The following DENND5B variants were observed in gnomAD, a reference collection of about 807,000 sequenced individuals.
The protein encoded by DENND5B is DENN domain containing 5B.
A neutral mutation model predicts 140.6 loss-of-function variants in DENND5B; 34 were observed. That is an observed-to-expected ratio of 0.24 (90% CI 0.18 to 0.32). DENND5B has a LOEUF of 0.32. DENND5B is among the 10% of genes least tolerant of loss of function. The probability of loss-of-function intolerance (pLI) is 1.00; values close to 1 mark genes in which losing one functional copy is unlikely to be tolerated. For synonymous variants in DENND5B, 551 were observed against 562.1 expected, an observed-to-expected ratio of 0.98 and a Z score of 0.28; for missense variants, 1,142 against 1,560.2, an observed-to-expected ratio of 0.73 and a Z score of 4.52.
At chr12:31,422,418 A>C (rs1356009034) in intron 11 of DENND5B, among the ~76,000 whole-genome samples, 1 of 151,186 alleles carries the variant, frequency 6.6e-6, no homozygotes, top group Non-Finnish European at 1.5e-5. Flanking sequence ...CGACACAGCG[A>C]GACTGTGTCT....
chr12:31,549,224 T>TATAA (rs1438693683), intron 1 of DENND5B, among the ~76,000 whole-genome samples: 1 of 152,096 alleles, frequency 6.6e-6, no homozygotes, highest in Non-Finnish European at 1.5e-5. Context: ...ATTCTGACTT[T>TATAA]AGTAAGAAAG....
intron 2 of DENND5B, among the ~76,000 whole-genome samples, chr12:31,487,707 C>A (rs1050178279): frequency 2.0e-5 from 3 of 151,894 alleles, no homozygotes; most frequent in Non-Finnish European, 2.9e-5. Flanking sequence ...CTCAAAAAAA[C>A]AAACAAACAA....
intron 1 of DENND5B, among the ~76,000 whole-genome samples, chr12:31,552,508 T>C (rs1172060405): frequency 1.4e-4 from 21 of 152,220 alleles, no homozygotes; most frequent in Middle Eastern, 3.2e-3. Context: ...ATCAAGGATA[T>C]TGGTCTAAAA....
chr12:31,513,421 G>A (rs1037094220), intron 1 of DENND5B, among the ~76,000 whole-genome samples: 1 of 152,082 alleles, frequency 6.6e-6, no homozygotes, highest in Non-Finnish European at 1.5e-5. Context: ...GGTAAAGTAC[G>A]TATCTACCTC....
rs1194677381 is a variant in DENND5B at position 31,386,912 on chromosome 12, T to C, written c.*691A>G. 1 of 152,218 alleles carries C rather than the reference T, an allele frequency of 6.6e-6. No homozygotes were observed. The highest frequency in any genetic ancestry group is 1.5e-5 in the Non-Finnish European group (1 of 68,034). The allele number at this position is 152,218 out of a possible 1,614,324, so 9.4% of individuals were successfully genotyped here. On this transcript the variant is annotated 3_prime_UTR_variant, in exon 21 of 21. Coordinates refer to ENST00000389082, the MANE Select transcript of DENND5B (RefSeq NM_144973.4). ...AGTTATAATCCCACAATTGAACACA[T>C]TTCTCAGAGCTTTGTATGTTCTCTT...
chr12:31,494,669 G>C (rs1257636868), intron 2 of DENND5B, among the ~76,000 whole-genome samples: 1 of 152,102 alleles, frequency 6.6e-6, no homozygotes, highest in Non-Finnish European at 1.5e-5. Context: ...GTGTAACTTT[G>C]TAACTTCACT....
At chr12:31,387,857 C>A in intron 20 of DENND5B, 71 bp from the exon 21 acceptor site, 1 of 1,484,710 alleles carries the variant, frequency 6.7e-7, no homozygotes, top group South Asian at 1.3e-5. Flanking sequence ...ACAGTGGAGT[C>A]TGTATGAATG....
intron 11 of DENND5B, among the ~76,000 whole-genome samples, chr12:31,416,297 C>T (rs998027290): frequency 6.6e-6 from 1 of 151,610 alleles, no homozygotes; most frequent in Admixed American, 6.6e-5. Context: ...TGCTCTGTTG[C>T]TCTGTTGCCA....
At chr12:31,432,067 T>C in intron 8 of DENND5B, 1 of 985,298 alleles carries the variant, frequency 1.0e-6, no homozygotes, top group Non-Finnish European at 1.2e-6. Flanking sequence ...AGAAGGATTT[T>C]TTAGGAAGTC....
At chr12:31,422,395 A>C (rs1401412264) in intron 11 of DENND5B, among the ~76,000 whole-genome samples, 1 of 151,902 alleles carries the variant, frequency 6.6e-6, no homozygotes, top group Non-Finnish European at 1.5e-5. Context: ...GCGCCACTGC[A>C]TTCCAGCCTG....
chr12:31,439,909 A>G, intron 7 of DENND5B, among the ~76,000 whole-genome samples: 1 of 141,160 alleles, frequency 7.1e-6, no homozygotes, highest in Non-Finnish European at 1.5e-5. Context: ...TGGCCTGGGC[A>G]ACAGAGGGAG....
chr12:31,419,884 A>T (rs1458597910), intron 11 of DENND5B: 1 of 360,308 alleles, frequency 2.8e-6, no homozygotes, highest in Non-Finnish European at 3.8e-6. Flanking sequence ...GAGGCAGGAG[A>T]ATCGCTTGAA....
At chr12:31,442,336 C>G (rs1944072993) in intron 7 of DENND5B, among the ~76,000 whole-genome samples, 1 of 152,094 alleles carries the variant, frequency 6.6e-6, no homozygotes. Context: ...CCTGCCAATT[C>G]CTTGATTTCA....
chr12:31,416,492 T>C (rs139089416), intron 11 of DENND5B, among the ~76,000 whole-genome samples: 17 of 151,338 alleles, frequency 1.1e-4, no homozygotes, highest in African/African-American at 3.1e-4. Flanking sequence ...TCGAACTCCT[T>C]AACTCAAGTG....
At chr12:31,494,876 C>G (rs1946697300) in intron 2 of DENND5B, among the ~76,000 whole-genome samples, 1 of 152,180 alleles carries the variant, frequency 6.6e-6, no homozygotes, top group Non-Finnish European at 1.5e-5. Flanking sequence ...GAGCTGCTTG[C>G]TCGGGCCTGC....
chr12:31,396,056 G>GTTTTT (rs34089984), intron 17 of DENND5B, among the ~76,000 whole-genome samples: 4 of 112,224 alleles, frequency 3.6e-5, no homozygotes, highest in East Asian at 2.8e-4. Context: ...GGCATTCCTT[G>GTTTTT]TTTTTTTTTT....
chr12:31,527,688 G>A (rs1015886746), intron 1 of DENND5B, among the ~76,000 whole-genome samples: 1 of 152,090 alleles, frequency 6.6e-6, no homozygotes, highest in South Asian at 2.1e-4. Flanking sequence ...TGAGGCAGGA[G>A]AACTGCTTGA....
chr12:31,581,545 T>A (rs1950207971), intron 1 of DENND5B, among the ~76,000 whole-genome samples: 1 of 151,614 alleles, frequency 6.6e-6, no homozygotes, highest in South Asian at 2.1e-4. Context: ...AAAAAAAAAT[T>A]AGAGGGACAT....
At chr12:31,553,744 C>T (rs180779113) in intron 1 of DENND5B, among the ~76,000 whole-genome samples, 180 of 152,264 alleles carry the variant, frequency 1.2e-3, no homozygotes, top group African/African-American at 4.0e-3. Context: ...AATCTGGGTG[C>T]TCCTGTATTG....
Sources: allele counts gnomAD v4.1 joint callset (sites outside exome capture counted in the v4.1 genomes callset), GRCh38; gene constraint gnomAD v4.1.1; transcripts MANE v1.5; gene names NCBI Gene and HGNC (gene_info 2026-07-23, HGNC 2026-07-21).